Variants in PAPSS1 observed in about 807,000 individuals in gnomAD.
PAPSS1 encodes the protein 3'-phosphoadenosine 5'-phosphosulfate synthase 1.
Under a neutral mutation model 72.0 loss-of-function variants are expected in PAPSS1, and 50 were observed. The observed-to-expected ratio is 0.69, with a 90% confidence interval of 0.55 to 0.88. The LOEUF (loss-of-function observed/expected upper bound fraction) is 0.88. PAPSS1 is among the 40% of genes least tolerant of loss of function. The pLI, the probability that PAPSS1 is intolerant of heterozygous loss-of-function variation, is 0.00. For missense variants in PAPSS1, 657 were observed against 782.2 expected (o/e 0.84, Z 1.91); for synonymous variants, 261 against 263.6 (o/e 0.99, Z 0.09).
intron 1 of PAPSS1, among the ~76,000 whole-genome samples, chr4:107,703,360 G>C (rs1344351286): frequency 6.7e-6 from 1 of 149,552 alleles, no homozygotes; most frequent in Non-Finnish European, 1.5e-5. Context: ...TTTATTTGAT[G>C]TACTCCCATT....
chr4:107,641,077 A>G (rs1429581863), intron 10 of PAPSS1, among the ~76,000 whole-genome samples: 1 of 152,218 alleles, frequency 6.6e-6, no homozygotes, highest in Non-Finnish European at 1.5e-5. Context: ...TAGACAGAAC[A>G]CTAACTAGTC....
At chr4:107,671,978 TA>T (rs920708449) in intron 5 of PAPSS1, among the ~76,000 whole-genome samples, 2 of 151,546 alleles carry the variant, frequency 1.3e-5, no homozygotes, top group Non-Finnish European at 2.9e-5. Context: ...AATTTCAAGT[TA>T]AAAAAAAGAT....
chr4:107,646,367 G>T (rs1726695972), intron 9 of PAPSS1, among the ~76,000 whole-genome samples: 2 of 147,066 alleles, frequency 1.4e-5, no homozygotes, highest in African/African-American at 2.5e-5. Context: ...ACATCTCTTA[G>T]TTTTGTCCAC....
At chr4:107,718,467 T>G (rs1295664707) in intron 1 of PAPSS1, 2 of 152,260 alleles carry the variant, frequency 1.3e-5, no homozygotes, top group African/African-American at 4.8e-5. Context: ...CTCAGAAATC[T>G]GAAATCCTCC....
intron 11 of PAPSS1, among the ~76,000 whole-genome samples, chr4:107,625,462 A>C (rs996326597): frequency 6.6e-6 from 1 of 152,162 alleles, no homozygotes; most frequent in Non-Finnish European, 1.5e-5. Context: ...AAAAAGACCA[A>C]AAGTGGCCTC....
intron 5 of PAPSS1, among the ~76,000 whole-genome samples, chr4:107,662,578 C>T (rs1727211213): frequency 6.6e-6 from 1 of 150,964 alleles, no homozygotes; most frequent in African/African-American, 2.4e-5. Context: ...ATACATAATA[C>T]CAGGAGGGGA....
chr4:107,618,411 C>A (rs151082711), intron 11 of PAPSS1, among the ~76,000 whole-genome samples: 17 of 148,896 alleles, frequency 1.1e-4, no homozygotes, highest in African/African-American at 3.2e-4. Flanking sequence ...GAAGGCTTAC[C>A]AAGTTATATA....
At chr4:107,662,247 C>G (rs1461131783) in intron 5 of PAPSS1, among the ~76,000 whole-genome samples, 1 of 152,126 alleles carries the variant, frequency 6.6e-6, no homozygotes, top group East Asian at 1.9e-4. Flanking sequence ...TCTCACTGTT[C>G]ATAGGAGGAA....
chr4:107,665,682 G>A lies in PAPSS1; in HGVS notation c.670-5610C>T, dbSNP rs140336402. Among the ~76,000 whole-genome samples, 640 of 152,240 alleles carry A rather than the reference G, an allele frequency of 4.2e-3. 9 individuals carry two copies. The highest frequency in any genetic ancestry group is 0.014 in the African/African-American group (598 of 41,556). Reference sequence around the variant, plus strand: ...CTACTATTAATGAGAGGTGAATTCCGTAACCTGTAAGTCTAGAGATATTAT... The same window carrying A: ...CTACTATTAATGAGAGGTGAATTCCATAACCTGTAAGTCTAGAGATATTAT... On this transcript the variant is annotated intron_variant, in intron 5 of 11. Transcript: ENST00000265174.
chr4:107,696,599 G>A (rs901939566), intron 2 of PAPSS1, among the ~76,000 whole-genome samples: 1 of 152,064 alleles, frequency 6.6e-6, no homozygotes, highest in Non-Finnish European at 1.5e-5. Context: ...GGTAGGTAGG[G>A]GAGGGAAAGC....
At chr4:107,719,418 T>G (rs1445369720) in intron 1 of PAPSS1, among the ~76,000 whole-genome samples, 6 of 152,158 alleles carry the variant, frequency 3.9e-5, no homozygotes, top group Admixed American at 3.9e-4. Flanking sequence ...ACACAGCACT[T>G]TACAAAGTCA....
At chr4:107,705,192 T>C (rs1723308535) in intron 1 of PAPSS1, among the ~76,000 whole-genome samples, 1 of 152,170 alleles carries the variant, frequency 6.6e-6, no homozygotes, top group African/African-American at 2.4e-5. Flanking sequence ...TTGGAAGTAT[T>C]CCCTCTTTAA....
intron 1 of PAPSS1, chr4:107,719,887 G>C: frequency 1.5e-6 from 2 of 1,350,344 alleles, no homozygotes; most frequent in Non-Finnish European, 1.9e-6. Flanking sequence ...CCCACGAACG[G>C]TGGCTCGGAC....
chr4:107,693,291 A>G (rs925228432), intron 3 of PAPSS1, among the ~76,000 whole-genome samples: 3 of 152,182 alleles, frequency 2.0e-5, no homozygotes, highest in Non-Finnish European at 4.4e-5. Flanking sequence ...ATAAGAAATG[A>G]CATAATTTTT....
In PAPSS1 at chr4:107,682,138, A is replaced by C. The variant is rs1722637963; in HGVS notation, c.551-5T>G. The C allele has an allele frequency of 7.2e-6, 10 of 1,386,758 alleles. No individual in the cohort carries two copies. The highest frequency in any genetic ancestry group is 1.0e-5 in the Non-Finnish European group (10 of 979,416). 85.9% of individuals were successfully genotyped at this position (1,386,758 alleles called of 1,614,324 possible). A position where few individuals can be genotyped will look rare whatever the true frequency, so the allele number is the denominator to read the frequency against. ...CAGAATCGATCCCAGTGAAACCTGCAAAAGGTAACAGATAATAGAGTAGGG... is the reference window on the plus strand; with the variant it reads ...CAGAATCGATCCCAGTGAAACCTGCCAAAGGTAACAGATAATAGAGTAGGG... On this transcript the variant is annotated splice_region_variant and splice_polypyrimidine_tract_variant and intron_variant, in intron 4 of 11. Coordinates refer to ENST00000265174, the MANE Select transcript of PAPSS1 (RefSeq NM_005443.5).
intron 11 of PAPSS1, among the ~76,000 whole-genome samples, chr4:107,616,670 T>G (rs2110293691): frequency 6.6e-6 from 1 of 152,328 alleles, no homozygotes; most frequent in Non-Finnish European, 1.5e-5. Flanking sequence ...GTGGTCAATT[T>G]GTGCTACTAC....
chr4:107,652,950 G>A (rs1726888336), intron 9 of PAPSS1, among the ~76,000 whole-genome samples: 1 of 151,742 alleles, frequency 6.6e-6, no homozygotes, highest in South Asian at 2.1e-4. Flanking sequence ...ATGATACAAT[G>A]GTCATGTATC....
At chr4:107,694,819 T>C (rs1200498496) in intron 2 of PAPSS1, among the ~76,000 whole-genome samples, 2 of 152,202 alleles carry the variant, frequency 1.3e-5, no homozygotes, top group Non-Finnish European at 2.9e-5. Context: ...AAAGAGTACA[T>C]TTATGCACTA....
At chr4:107,657,538 A>T (rs2879782) in intron 6 of PAPSS1, among the ~76,000 whole-genome samples, 27,823 of 152,116 alleles carry the variant, frequency 0.18, 2,967 homozygotes, top group East Asian at 0.37. Flanking sequence ...CCTGGCCAAC[A>T]TGGTGAAACC....
Sources: allele counts gnomAD v4.1 joint callset (sites outside exome capture counted in the v4.1 genomes callset), GRCh38; gene constraint gnomAD v4.1.1; transcripts MANE v1.5; gene names NCBI Gene and HGNC (gene_info 2026-07-23, HGNC 2026-07-21).